Variants in BCL2L11 observed in about 807,000 individuals in gnomAD.
The protein encoded by BCL2L11 is bcl-2-like protein 11.
A neutral mutation model predicts 20.6 loss-of-function variants in BCL2L11; 15 were observed. That is an observed-to-expected ratio of 0.73 (90% CI 0.49 to 1.12). The LOEUF (loss-of-function observed/expected upper bound fraction) is 1.12, where lower values mean the gene tolerates loss of function less well. Ranked by LOEUF, BCL2L11 falls within the 50% of genes most tolerant of loss-of-function variation. BCL2L11 has a pLI of 0.00. For synonymous variants in BCL2L11, 108 were observed against 92.8 expected, an observed-to-expected ratio of 1.16 and a Z score of -0.94; for missense variants, 292 against 260.9, an observed-to-expected ratio of 1.12 and a Z score of -0.82.
At chr2:111,163,159 C>G (rs1371643084) in intron 3 of BCL2L11, 1 of 153,098 alleles carries the variant, frequency 6.5e-6, no homozygotes, top group African/African-American at 2.4e-5. Flanking sequence ...TTGTCTCAGC[C>G]TGATGCATGG....
chr2:111,137,235 C>T (rs1222574080), intron 2 of BCL2L11, among the ~76,000 whole-genome samples: 1 of 152,198 alleles, frequency 6.6e-6, no homozygotes, highest in East Asian at 1.9e-4. Flanking sequence ...ACCATTAAAT[C>T]TGATCATTGG....
In BCL2L11 at chr2:111,122,582, C is replaced by T. The variant is rs956925359; in HGVS notation, c.-13-1151C>T. ...TGGGAACGCGGGCACCCGGCGCCAG[C>T]GGCGCGGGGAGGTCGGCGGTGCCGG... is the stretch of plus-strand genomic sequence containing the variant. On this transcript the variant is annotated intron_variant, in intron 1 of 3. Transcript: ENST00000393256. 1.3e-5 allele frequency: 13 copies of T among 980,730 alleles called. No homozygotes were observed. In the Admixed American group the frequency reaches 5.0e-4, roughly 37 times the overall value. The allele number at this position is 980,730 out of a possible 1,614,324, so 60.8% of individuals were successfully genotyped here. A position where few individuals can be genotyped will look rare whatever the true frequency, so the allele number is the denominator to read the frequency against.
intron 1 of BCL2L11, chr2:111,122,923 CGT>C: frequency 1.0e-6 from 1 of 985,406 alleles, no homozygotes; most frequent in African/African-American, 1.7e-5. Context: ...AAGGCGCGGA[CGT>C]GAGTTTCGGT....
At chr2:111,147,390 A>AGC (rs2076696816) in intron 2 of BCL2L11, among the ~76,000 whole-genome samples, 2 of 138,256 alleles carry the variant, frequency 1.4e-5, no homozygotes, top group African/African-American at 5.3e-5. Context: ...ACACACACAC[A>AGC]CCCGCCATTT....
intron 3 of BCL2L11, among the ~76,000 whole-genome samples, chr2:111,157,827 C>T (rs2078055175): frequency 6.6e-6 from 1 of 152,212 alleles, no homozygotes; most frequent in Admixed American, 6.5e-5. Flanking sequence ...ACCACATTGT[C>T]ACCATAGCAG....
intron 3 of BCL2L11, chr2:111,162,984 A>T (rs1158417113): frequency 6.6e-6 from 1 of 152,266 alleles, no homozygotes; most frequent in East Asian, 1.9e-4. Flanking sequence ...GGAATCGCTT[A>T]CATAAAGCTG....
chr2:111,142,373 A>G (rs1277958410), intron 2 of BCL2L11: 19 of 1,550,544 alleles, frequency 1.2e-5, no homozygotes, highest in East Asian at 4.9e-5. Flanking sequence ...TGGCCACTCA[A>G]GTGGTTAGCA....
intron 2 of BCL2L11, among the ~76,000 whole-genome samples, chr2:111,141,401 A>T (rs2075783193): frequency 2.0e-5 from 3 of 151,222 alleles, no homozygotes; most frequent in African/African-American, 7.3e-5. Context: ...ATTCTCAGTA[A>T]ACTATTGCAA....
intron 2 of BCL2L11, chr2:111,144,583 G>C: frequency 1.3e-6 from 2 of 1,484,852 alleles, no homozygotes; most frequent in Non-Finnish European, 1.8e-6. Flanking sequence ...GTAAGCTTTG[G>C]ATAACTCTGA....
At chr2:111,161,601 C>G (rs2078556714) in intron 3 of BCL2L11, 6 of 1,497,548 alleles carry the variant, frequency 4.0e-6, no homozygotes, top group Non-Finnish European at 5.3e-6. Flanking sequence ...ACTCACACTG[C>G]AAATGACAGC....
chr2:111,131,269 GA>G (rs1314666424), intron 2 of BCL2L11: 1 of 151,100 alleles, frequency 6.6e-6, no homozygotes, highest in Non-Finnish European at 1.5e-5. Context: ...TTAGATTATA[GA>G]TTTTTTTTTT....
chr2:111,132,485 A>G (rs1391186996), intron 2 of BCL2L11, among the ~76,000 whole-genome samples: 1 of 152,156 alleles, frequency 6.6e-6, no homozygotes. Flanking sequence ...TTTTTTCTCC[A>G]GTTTCCCCAT....
intron 1 of BCL2L11, chr2:111,123,409 C>G (rs1459840017): frequency 1.1e-5 from 11 of 985,332 alleles, no homozygotes; most frequent in African/African-American, 1.7e-5. Context: ...CTGACTTACT[C>G]GAAGAAGTCT....
chr2:111,139,114 ACAAG>A (rs2075389817), intron 2 of BCL2L11, among the ~76,000 whole-genome samples: 1 of 152,156 alleles, frequency 6.6e-6, no homozygotes, highest in Admixed American at 6.5e-5. Flanking sequence ...CCCAGAACAA[ACAAG>A]CAAGCAAAAA....
chr2:111,155,022 C>T (rs1023779842), intron 3 of BCL2L11, among the ~76,000 whole-genome samples: 4 of 152,192 alleles, frequency 2.6e-5, no homozygotes, highest in Non-Finnish European at 5.9e-5. Context: ...CAGAGGGCTA[C>T]TGACCCTCAC....
intron 2 of BCL2L11, chr2:111,128,541 G>A (rs570591528): frequency 9.2e-5 from 131 of 1,416,868 alleles, no homozygotes; most frequent in Non-Finnish European, 1.1e-4. Context: ...TAGAGGCTGT[G>A]CCATTTTACA....
In BCL2L11 at chr2:111,166,670, T is replaced by C. The variant is rs566969196; in HGVS notation, c.*2439T>C. The C allele has an allele frequency of 6.5e-6, 1 of 152,820 alleles. No homozygotes were observed. Among genetic ancestry groups the C allele is most frequent in the South Asian group, 2.1e-4 (1 of 4,826 alleles). The allele number at this position is 152,820 out of a possible 1,614,324, so 9.5% of individuals were successfully genotyped here. A position where few individuals can be genotyped will look rare whatever the true frequency, so the allele number is the denominator to read the frequency against. ...TATGTGAGGTTTGTAAAAAGTGTCC[T>C]GTGACTTAACACAGAAACGCAATAA... On this transcript the variant is annotated 3_prime_UTR_variant, in exon 4 of 4. Transcript: ENST00000393256.
In BCL2L11 at chr2:111,159,709, A is replaced by T. The variant is rs114843850; in HGVS notation, c.499-4424A>T. ...AATTGGTCGTCCCAAGTGTAAATTG[A>T]AGATGCTTCTGCCCTGCACTTAATG... On this transcript the variant is annotated intron_variant, in intron 3 of 3. Transcript: ENST00000393256. 2.6e-3 allele frequency among the ~76,000 whole-genome samples: 402 copies of T among 152,336 alleles called. 2 individuals carry two copies. The highest frequency in any genetic ancestry group is 9.3e-3 in the African/African-American group (388 of 41,576).
At chr2:111,126,739 A>T (rs924045036) in intron 2 of BCL2L11, among the ~76,000 whole-genome samples, 2 of 152,218 alleles carry the variant, frequency 1.3e-5, no homozygotes, top group African/African-American at 4.8e-5. Context: ...AAGTTCTTCA[A>T]TGAAGCTTTT....
Sources: gnomAD v4.1 joint callset for allele counts (sites outside exome capture counted in the v4.1 genomes callset) on GRCh38, gnomAD v4.1.1 for gene constraint, MANE v1.5 for transcripts, NCBI Gene and HGNC (gene_info 2026-07-23, HGNC 2026-07-21) for gene names.